CLMP: variants seen among roughly 807,000 people sequenced by gnomAD.
CLMP encodes the protein CXADR like cell adhesion molecule, also known as CXADR-like membrane protein.
CLMP carries 27 observed loss-of-function variants against 45.2 expected under a neutral mutation model. The observed-to-expected ratio is 0.60, with a 90% CI of 0.44 to 0.82. The LOEUF is 0.82. CLMP is among the 40% of genes least tolerant of loss of function. The probability of loss-of-function intolerance (pLI) is 0.00; values close to 1 mark genes in which losing one functional copy is unlikely to be tolerated. For missense variants in CLMP, 403 were observed against 448.4 expected (o/e 0.90, Z 0.91); for synonymous variants, 167 against 171.4 (o/e 0.97, Z 0.20).
chr11:123,182,532 C>T (rs1420706709), intron 1 of CLMP, among the ~76,000 whole-genome samples: 1 of 152,164 alleles, frequency 6.6e-6, no homozygotes, highest in East Asian at 1.9e-4. Flanking sequence ...CTTTGGTGGC[C>T]TAATTATTTC....
rs1861065491 is a variant in CLMP, at chr11:123,135,988, A to G, written c.29-38036T>C. 4.1e-5 allele frequency: 23 copies of G among 565,676 alleles called. 1 individual carries two copies. Among genetic ancestry groups the G allele is most frequent in the South Asian group, 3.1e-4 (22 of 70,336 alleles). 35.0% of individuals were successfully genotyped at this position (565,676 alleles called of 1,614,324 possible). The stretch of plus-strand genomic sequence containing the variant: ...GGTATCACAATGTGCTGCTTGATAA[A>G]TTCTATTGCTTCTTCAATTAAATTG... On this transcript the variant is annotated intron_variant, in intron 1 of 6. Transcript: ENST00000448775.
At chr11:123,074,607 G>C (rs1865713056) in intron 6 of CLMP, 95 bp downstream of exon 6, 3 of 1,286,528 alleles carry the variant, frequency 2.3e-6, no homozygotes, top group Middle Eastern at 2.2e-4. Context: ...CAGATTCATG[G>C]TTAAGAGAAA....
Position 123,183,479 on chromosome 11 carries a change from C to A in CLMP, c.28+11434G>T, listed in dbSNP as rs1296058613. ...CTCCTGACCTCAAGTGATTCACCTACCTCGGCCTCCCAAAGTGCTGGAATT... is the reference window on the plus strand; with the variant it reads ...CTCCTGACCTCAAGTGATTCACCTAACTCGGCCTCCCAAAGTGCTGGAATT... On this transcript the variant is annotated intron_variant, in intron 1 of 6. Coordinates refer to ENST00000448775, the MANE Select transcript of CLMP (RefSeq NM_024769.5). Among the ~76,000 whole-genome samples the A allele has an allele frequency of 2.0e-5, 3 of 152,106 alleles. No individual in the cohort carries two copies. In the East Asian group the frequency reaches 5.8e-4, roughly 29 times the overall value.
At chr11:123,180,519 C>T (rs1591488852) in intron 1 of CLMP, among the ~76,000 whole-genome samples, 1 of 150,986 alleles carries the variant, frequency 6.6e-6, no homozygotes, top group African/African-American at 2.4e-5. Context: ...GTGAGGAATA[C>T]ATTTCTGTTG....
chr11:123,181,343 C>G (rs892677098), intron 1 of CLMP, among the ~76,000 whole-genome samples: 3 of 152,232 alleles, frequency 2.0e-5, no homozygotes, highest in Non-Finnish European at 4.4e-5. Flanking sequence ...TTCTCCTGCT[C>G]TCTTCCTAGG....
intron 1 of CLMP, among the ~76,000 whole-genome samples, chr11:123,100,775 C>A (rs1255827391): frequency 6.6e-6 from 1 of 152,146 alleles, no homozygotes; most frequent in African/African-American, 2.4e-5. Context: ...TGTCTCAGGT[C>A]CCTTAATTTC....
chr11:123,092,902 A>G (rs1410091821), intron 2 of CLMP, among the ~76,000 whole-genome samples: 1 of 137,770 alleles, frequency 7.3e-6, no homozygotes, highest in East Asian at 2.1e-4. Context: ...CTGGCCTGAC[A>G]CACACTTTTT....
At chr11:123,107,342 T>C (rs984571057) in intron 1 of CLMP, among the ~76,000 whole-genome samples, 2 of 151,972 alleles carry the variant, frequency 1.3e-5, no homozygotes, top group African/African-American at 4.8e-5. Context: ...GCGATTCTCC[T>C]GCCTCAGCCT....
At chr11:123,121,727 A>C (rs1282144444) in intron 1 of CLMP, among the ~76,000 whole-genome samples, 1 of 152,166 alleles carries the variant, frequency 6.6e-6, no homozygotes, top group Non-Finnish European at 1.5e-5. Flanking sequence ...GCCTTTTAAT[A>C]AACTGGCTTA....
intron 1 of CLMP, among the ~76,000 whole-genome samples, chr11:123,189,116 T>C (rs1351065407): frequency 1.3e-5 from 2 of 152,226 alleles, no homozygotes. Context: ...TTCTCAGTTA[T>C]AAACAATAGT....
At position 123,135,994 on chromosome 11, in the gene CLMP, T is replaced by C. The variant is rs138786395; in HGVS notation, c.29-38042A>G. ...ACAATGTGCTGCTTGATAAATTCTA[T>C]TGCTTCTTCAATTAAATTGTTGATT... On this transcript the variant is annotated intron_variant, in intron 1 of 6. Transcript: ENST00000448775. The C allele has an allele frequency of 8.3e-5, 47 of 566,268 alleles. No individual in the cohort carries two copies. In the East Asian group the frequency reaches 1.1e-3, roughly 14 times the overall value. 35.1% of individuals were successfully genotyped at this position (566,268 alleles called of 1,614,324 possible). A position where few individuals can be genotyped will look rare whatever the true frequency, so the allele number is the denominator to read the frequency against.
At chr11:123,145,925 C>T (rs957475268) in intron 1 of CLMP, among the ~76,000 whole-genome samples, 8 of 152,222 alleles carry the variant, frequency 5.3e-5, no homozygotes, top group Non-Finnish European at 1.2e-4. Context: ...CCACCTATAG[C>T]CCTCCCTGGA....
intron 1 of CLMP, among the ~76,000 whole-genome samples, chr11:123,168,927 A>C (rs1434931391): frequency 1.3e-5 from 2 of 152,212 alleles, no homozygotes; most frequent in African/African-American, 4.8e-5. Context: ...GCGGCATCCA[A>C]GCATTCACTC....
chr11:123,080,444 T>C (rs532293080), intron 5 of CLMP, among the ~76,000 whole-genome samples: 10 of 152,084 alleles, frequency 6.6e-5, no homozygotes, highest in African/African-American at 1.9e-4. Context: ...TCTCCTGCCT[T>C]GGCCTCCCAA....
intron 1 of CLMP, among the ~76,000 whole-genome samples, chr11:123,108,477 C>T (rs530134116): frequency 5.9e-5 from 9 of 152,220 alleles, no homozygotes; most frequent in Non-Finnish European, 1.3e-4. Context: ...GATACAAGGA[C>T]CCAGGTGACA....
intron 1 of CLMP, among the ~76,000 whole-genome samples, chr11:123,176,793 G>A (rs1380312636): frequency 1.3e-5 from 2 of 152,110 alleles, no homozygotes; most frequent in Non-Finnish European, 2.9e-5. Flanking sequence ...CACCATTTTG[G>A]GTGTCATATA....
intron 1 of CLMP, among the ~76,000 whole-genome samples, chr11:123,151,245 A>G (rs1307230319): frequency 1.3e-5 from 2 of 152,172 alleles, no homozygotes; most frequent in East Asian, 3.9e-4. Context: ...GTTATTTCAG[A>G]TCATCTTTGC....
intron 1 of CLMP, among the ~76,000 whole-genome samples, chr11:123,148,511 G>A (rs115736773): frequency 1.4e-4 from 22 of 152,336 alleles, no homozygotes; most frequent in African/African-American, 4.1e-4. Context: ...GTTGGTTCCC[G>A]TTCTATTTTT....
chr11:123,185,855 T>C (rs1009096773), intron 1 of CLMP, among the ~76,000 whole-genome samples: 17 of 152,244 alleles, frequency 1.1e-4, no homozygotes, highest in Non-Finnish European at 1.6e-4. Context: ...AGGTTTTCCT[T>C]TCCTCCTATT....
Sources: gnomAD v4.1 joint callset for allele counts (sites outside exome capture counted in the v4.1 genomes callset) on GRCh38, gnomAD v4.1.1 for gene constraint, MANE v1.5 for transcripts, NCBI Gene and HGNC (gene_info 2026-07-23, HGNC 2026-07-21) for gene names.